Variants in LIN54 observed in about 807,000 individuals in gnomAD.
LIN54 encodes protein lin-54 homolog.
A neutral mutation model predicts 78.7 loss-of-function variants in LIN54; 9 were observed. That is an observed-to-expected ratio of 0.11 (90% confidence interval 0.07 to 0.20). The LOEUF (loss-of-function observed/expected upper bound fraction) is 0.20. Ranked by LOEUF, LIN54 falls within the 10% of genes least tolerant of loss-of-function variation. The pLI, the probability that LIN54 is intolerant of heterozygous loss-of-function variation, is 1.00. For missense variants in LIN54, 573 were observed against 889.9 expected, an observed-to-expected ratio of 0.64 and a Z score of 4.53; for synonymous variants, 269 against 318.4, an observed-to-expected ratio of 0.84 and a Z score of 1.65.
At position 82,938,427 on chromosome 4, in the gene LIN54, C is replaced by T. The variant is rs769346783; in HGVS notation, c.1518G>A (p.Arg506=). The stretch of plus-strand genomic sequence containing the variant: ...AAAATACTCACCCATTGAATGGAAG[C>T]CGTGCCTGGGTCTGGATACCAGATG... ...TGTSGIQTQA[R]LPFNGIIPSE... is the part of the protein sequence containing the mutation. The change falls in exon 8 of 13, where the codon CGG becomes CGA. Residue 506 remains arginine, a synonymous_variant. Transcript: ENST00000340417. 1.2e-6 allele frequency: 2 copies of T among 1,604,156 alleles called. No individual in the cohort carries two copies. Among genetic ancestry groups the T allele is most frequent in the East Asian group, 4.5e-5 (2 of 44,802 alleles).
intron 11 of LIN54, among the ~76,000 whole-genome samples, chr4:82,934,431 CA>C: frequency 2.6e-5 from 4 of 152,190 alleles, no homozygotes; most frequent in Admixed American, 2.6e-4. Context: ...ACAACAACAA[CA>C]ACAAAAAACT....
intron 12 of LIN54, among the ~76,000 whole-genome samples, chr4:82,929,277 AATT>A (rs1008990613): frequency 2.0e-5 from 3 of 152,276 alleles, no homozygotes; most frequent in East Asian, 1.9e-4. Flanking sequence ...TTTTGATTAT[AATT>A]ATAATTTTAT....
rs552013666 is a variant in LIN54 at position 82,952,095 on chromosome 4, G to C, written c.952-5621C>G. ...TGATTTCTTGGATACAACACCAAAG[G>C]TGCAGACAATCAAAGAAAAATAGAG... On this transcript the variant is annotated intron_variant, in intron 4 of 12. Transcript: ENST00000340417. 1.6e-4 allele frequency among the ~76,000 whole-genome samples: 24 copies of C among 152,182 alleles called. No individual in the cohort carries two copies. In the South Asian group the frequency reaches 1.9e-3, roughly 12 times the overall value.
chr4:82,981,512 G>A (rs1726637630), intron 2 of LIN54, among the ~76,000 whole-genome samples: 2 of 152,034 alleles, frequency 1.3e-5, no homozygotes, highest in African/African-American at 4.8e-5. Flanking sequence ...TATACTCTTT[G>A]TAATACTAAA....
rs770374904 is a variant in LIN54, at chr4:82,984,118, T to G, written c.684+43A>C. The stretch of plus-strand genomic sequence containing the variant: ...ACAACTATGAATCAGTTAAATTTTT[T>G]TAAACATGCATTTTAATTAGTAAGC... On this transcript the variant is annotated intron_variant, in intron 2 of 12. Coordinates refer to ENST00000340417, the MANE Select transcript of LIN54 (RefSeq NM_194282.4). The G allele has an allele frequency of 5.0e-6, 7 of 1,397,272 alleles. No individual in the cohort carries two copies. In the South Asian group the frequency reaches 9.5e-5, roughly 19 times the overall value. The allele number at this position is 1,397,272 out of a possible 1,614,324, so 86.6% of individuals were successfully genotyped here.
At chr4:82,931,390 T>G (rs1022643836) in intron 11 of LIN54, among the ~76,000 whole-genome samples, 1 of 152,208 alleles carries the variant, frequency 6.6e-6, no homozygotes, top group African/African-American at 2.4e-5. Context: ...TCCCCCACTA[T>G]GAATATAGAT....
At chr4:82,955,420 A>ATAACG (rs1724224354) in intron 4 of LIN54, among the ~76,000 whole-genome samples, 1 of 151,502 alleles carries the variant, frequency 6.6e-6, no homozygotes, top group Non-Finnish European at 1.5e-5. Flanking sequence ...ATAACATAAC[A>ATAACG]TAATGAACAG....
chr4:82,989,776 A>G (rs530238781), intron 1 of LIN54, among the ~76,000 whole-genome samples: 1 of 152,126 alleles, frequency 6.6e-6, no homozygotes, highest in African/African-American at 2.4e-5. Flanking sequence ...ATTTACTTTC[A>G]TTTTCAAGCA....
Position 82,928,150 on chromosome 4 carries a change from G to C in LIN54, c.2202C>G (p.Ile734Met). Residue 734 changes from isoleucine (I) to methionine (M), a missense_variant, in exon 13 of 13, where the codon ATC (isoleucine) becomes ATG (methionine). This residue lies in a region of LIN54 where 82 missense variants were observed against 140.8 expected (regional missense o/e 0.58). Transcript: ENST00000340417. ...CACTTTTTGCCTTTCCTGCAGAGTT[G>C]ATGACACTCATCAAACATCGTCCGA... Reference protein sequence around the residue: ...EEFGRCLMSVINSAGKAKSDP... With the variant: ...EEFGRCLMSVMNSAGKAKSDP... 1 of 1,614,248 alleles carries C rather than the reference G, an allele frequency of 6.2e-7. No homozygotes were observed.
intron 1 of LIN54, among the ~76,000 whole-genome samples, chr4:83,004,946 G>A (rs1729220795): frequency 6.6e-6 from 1 of 152,178 alleles, no homozygotes; most frequent in African/African-American, 2.4e-5. Flanking sequence ...CCAGGCTGGA[G>A]TGCAGTGGCG....
chr4:82,987,851 G>A (rs187567942), intron 1 of LIN54, among the ~76,000 whole-genome samples: 3 of 152,340 alleles, frequency 2.0e-5, no homozygotes, highest in Admixed American at 1.3e-4. Flanking sequence ...ATGTGTGCAT[G>A]TGTCTTTATA....
chr4:82,955,859 T>A (rs181173314), intron 4 of LIN54, among the ~76,000 whole-genome samples: 1 of 152,310 alleles, frequency 6.6e-6, no homozygotes, highest in East Asian at 1.9e-4. Flanking sequence ...ATGACATGAT[T>A]AACCTAAAAA....
intron 1 of LIN54, among the ~76,000 whole-genome samples, chr4:83,002,451 G>A (rs1365460354): frequency 2.0e-5 from 3 of 147,726 alleles, no homozygotes; most frequent in Admixed American, 6.8e-5. Flanking sequence ...GAGGAGGGGA[G>A]GGAAGGAGGA....
chr4:82,982,663 T>G (rs972222882), intron 2 of LIN54, among the ~76,000 whole-genome samples: 4 of 152,180 alleles, frequency 2.6e-5, no homozygotes, highest in Admixed American at 6.6e-5. Context: ...CAAGAGATTC[T>G]TGGCAAAAAT....
At chr4:82,942,856 G>GCA (rs762199994) in intron 5 of LIN54, among the ~76,000 whole-genome samples, 2 of 147,366 alleles carry the variant, frequency 1.4e-5, no homozygotes, top group African/African-American at 5.0e-5. Flanking sequence ...GTGCGTGTGC[G>GCA]CGCGCACACA....
chr4:82,972,673 A>T (rs954379923), intron 3 of LIN54, among the ~76,000 whole-genome samples: 1 of 152,214 alleles, frequency 6.6e-6, no homozygotes, highest in South Asian at 2.1e-4. Context: ...GTTAGGAATT[A>T]CATATCTTTC....
intron 4 of LIN54, among the ~76,000 whole-genome samples, chr4:82,960,396 A>C (rs1309476110): frequency 6.6e-6 from 1 of 151,614 alleles, no homozygotes; most frequent in Non-Finnish European, 1.5e-5. Flanking sequence ...TCAGCCTCCC[A>C]AAGCGTTGGG....
intron 4 of LIN54, among the ~76,000 whole-genome samples, chr4:82,966,818 C>A (rs1212740505): frequency 6.6e-6 from 1 of 152,072 alleles, no homozygotes; most frequent in African/African-American, 2.4e-5. Context: ...CCATGTTAGC[C>A]AGGCTGGTCT....
intron 4 of LIN54, among the ~76,000 whole-genome samples, chr4:82,966,886 G>A (rs1211478980): frequency 6.6e-6 from 1 of 152,080 alleles, no homozygotes; most frequent in Non-Finnish European, 1.5e-5. Flanking sequence ...TGGGATTACA[G>A]GCATGAGCCA....
Sources: allele counts gnomAD v4.1 joint callset (sites outside exome capture counted in the v4.1 genomes callset), GRCh38; gene constraint gnomAD v4.1.1; regional missense constraint gnomAD v4.1.1; transcripts MANE v1.5; gene names NCBI Gene and HGNC (gene_info 2026-07-23, HGNC 2026-07-21).